The following ZNF280D variants were observed in gnomAD, a reference collection of about 807,000 sequenced individuals.
The protein encoded by ZNF280D is suppressor of hairy wing homolog 4.
ZNF280D carries 39 observed loss-of-function variants against 94.7 expected under a neutral mutation model. The observed-to-expected ratio is 0.41, with a 90% confidence interval of 0.32 to 0.54. The LOEUF (loss-of-function observed/expected upper bound fraction) is 0.54, where lower values mean the gene tolerates loss of function less well. Among genes scored for constraint, ZNF280D ranks in the 20% least tolerant of loss-of-function variants. The pLI is 0.22. For synonymous variants in ZNF280D, 398 were observed against 377.6 expected, an observed-to-expected ratio of 1.05 and a Z score of -0.63; for missense variants, 1,090 against 1,149.3, an observed-to-expected ratio of 0.95 and a Z score of 0.75.
At chr15:56,688,354 G>A (rs1018347185) in intron 9 of ZNF280D, among the ~76,000 whole-genome samples, 8 of 152,092 alleles carry the variant, frequency 5.3e-5, no homozygotes, top group Non-Finnish European at 7.4e-5. Context: ...AGCCGGGCGT[G>A]GTGGCGGGCG....
rs2054279560 is a variant in ZNF280D, at chr15:56,666,271, T to C, written c.1994+124A>G. On this transcript the variant is annotated intron_variant, in intron 16 of 21. Coordinates refer to ENST00000267807, the MANE Select transcript of ZNF280D (RefSeq NM_017661.4). ...CAGGCAATATCCTAAAAGTTCCTTA[T>C]TGTTAGATCCTTTTAGCTCCTTGAA... The C allele has an allele frequency of 3.2e-6, 3 of 924,768 alleles. No homozygotes were observed. In the South Asian group the frequency reaches 5.0e-5, roughly 16 times the overall value. 57.3% of individuals were successfully genotyped at this position (924,768 alleles called of 1,614,324 possible).
intron 1 of ZNF280D, among the ~76,000 whole-genome samples, chr15:56,728,007 AGT>A (rs1290119855): frequency 6.6e-6 from 1 of 151,898 alleles, no homozygotes; most frequent in Non-Finnish European, 1.5e-5. Context: ...ATCCTTTACA[AGT>A]GTGTGCTAAA....
At chr15:56,721,316 A>G (rs1265442198) in intron 1 of ZNF280D, among the ~76,000 whole-genome samples, 8 of 152,100 alleles carry the variant, frequency 5.3e-5, no homozygotes, top group Non-Finnish European at 1.2e-4. Context: ...ACAATGGTAA[A>G]TGAGTACTGG....
In ZNF280D at chr15:56,631,242, C is replaced by A. The variant is rs2052056169; in HGVS notation, c.*256G>T. 5.2e-6 allele frequency: 2 copies of A among 382,878 alleles called. No homozygotes were observed. The highest frequency in any genetic ancestry group is 9.4e-6 in the Non-Finnish European group (2 of 212,258). 23.7% of individuals were successfully genotyped at this position (382,878 alleles called of 1,614,324 possible). On this transcript the variant is annotated 3_prime_UTR_variant, in exon 22 of 22. Transcript: ENST00000267807. ...TTTCCTTGAAAACCATTAAATGAGACCTTTCCACTGCAAATTTAATTATCA... is the reference window on the plus strand; with the variant it reads ...TTTCCTTGAAAACCATTAAATGAGAACTTTCCACTGCAAATTTAATTATCA...
At chr15:56,644,794 G>A (rs1167619571) in intron 19 of ZNF280D, among the ~76,000 whole-genome samples, 2 of 152,076 alleles carry the variant, frequency 1.3e-5, no homozygotes, top group African/African-American at 4.8e-5. Context: ...GATGGAGGTT[G>A]GTGACAGAGG....
intron 17 of ZNF280D, among the ~76,000 whole-genome samples, chr15:56,656,352 T>C (rs1032094865): frequency 1.3e-5 from 2 of 152,198 alleles, no homozygotes; most frequent in African/African-American, 4.8e-5. Flanking sequence ...CAATTTTCAA[T>C]TTGAGACTAG....
At position 56,653,602 on chromosome 15, in the gene ZNF280D, G is replaced by A. The variant is rs769462536; in HGVS notation, c.2213+596C>T. 1.6e-5 allele frequency: 23 copies of A among 1,473,204 alleles called. No individual in the cohort carries two copies. In the South Asian group the frequency reaches 3.1e-4, roughly 20 times the overall value. The allele number at this position is 1,473,204 out of a possible 1,614,324, so 91.3% of individuals were successfully genotyped here. A position where few individuals can be genotyped will look rare whatever the true frequency, so the allele number is the denominator to read the frequency against. On this transcript the variant is annotated intron_variant, in intron 19 of 21. Transcript: ENST00000267807. The stretch of plus-strand genomic sequence containing the variant: ...AAATCTCTGGGCTGCTTCTGCATCT[G>A]AAAAATAAGAAAAATAGCACAATGA...
At chr15:56,707,032 G>A (rs753878142) in intron 3 of ZNF280D, 50 bp downstream of exon 3, 1 of 1,566,258 alleles carries the variant, frequency 6.4e-7, no homozygotes, top group East Asian at 2.2e-5. Context: ...CTGAGGTAAA[G>A]TGATACAAAA....
chr15:56,669,880 T>TATATA (rs2054582755), intron 13 of ZNF280D, among the ~76,000 whole-genome samples: 1 of 7,176 alleles, frequency 1.4e-4, no homozygotes, highest in African/African-American at 2.8e-4. Context: ...ATTTTATATA[T>TATATA]ATATATATTA....
chr15:56,676,914 G>T, intron 12 of ZNF280D, 98 bp from the exon 13 acceptor site: 1 of 934,344 alleles, frequency 1.1e-6, no homozygotes, highest in Non-Finnish European at 1.6e-6. Flanking sequence ...AGAACATTAT[G>T]TACTACTAAT....
chr15:56,718,111 T>A (rs1596654021), intron 1 of ZNF280D, among the ~76,000 whole-genome samples: 1 of 152,162 alleles, frequency 6.6e-6, no homozygotes, highest in East Asian at 1.9e-4. Flanking sequence ...TTTTCATTAT[T>A]TCAGTAAAAA....
intron 21 of ZNF280D, chr15:56,633,898 C>A (rs2052217101): frequency 6.6e-6 from 1 of 151,942 alleles, no homozygotes; most frequent in Admixed American, 6.6e-5. Context: ...CAAAACAAAT[C>A]CCATGTTTAT....
chr15:56,666,730 A>G lies in ZNF280D; in HGVS notation c.1802T>C (p.Leu601Ser). The change falls in exon 15 of 22, where the codon TTG becomes TCG. Residue 601 changes from leucine to serine, a missense_variant. Transcript: ENST00000267807. ...ISNMQKKQST[L>S]ASSNKKSKVN... Reference sequence around the variant, plus strand: ...TTTACTTTTTTTATTGCTACTAGCCAATGTGCTTTGTTTCTTTTGCATATT... The same window carrying G: ...TTTACTTTTTTTATTGCTACTAGCCGATGTGCTTTGTTTCTTTTGCATATT... The G allele has an allele frequency of 1.2e-6, 2 of 1,613,212 alleles. No homozygotes were observed. Among genetic ancestry groups the G allele is most frequent in the Non-Finnish European group, 1.7e-6 (2 of 1,179,736 alleles).
intron 17 of ZNF280D, among the ~76,000 whole-genome samples, chr15:56,657,095 C>G (rs2053598678): frequency 6.6e-6 from 1 of 152,106 alleles, no homozygotes; most frequent in African/African-American, 2.4e-5. Flanking sequence ...CTCTACAGAT[C>G]AGCTTGGTGG....
intron 7 of ZNF280D, among the ~76,000 whole-genome samples, chr15:56,690,304 C>T (rs774231004): frequency 9.9e-5 from 15 of 152,080 alleles, no homozygotes; most frequent in Admixed American, 2.0e-4. Context: ...ATGGCATGAA[C>T]CTGGGAGGCG....
At chr15:56,704,543 T>G (rs2057283897) in intron 3 of ZNF280D, among the ~76,000 whole-genome samples, 1 of 152,180 alleles carries the variant, frequency 6.6e-6, no homozygotes, top group South Asian at 2.1e-4. Context: ...AAAGTGAGTT[T>G]TAGTCGTATA....
intron 1 of ZNF280D, among the ~76,000 whole-genome samples, chr15:56,733,181 A>T (rs1244837593): frequency 6.6e-6 from 1 of 152,172 alleles, no homozygotes; most frequent in African/African-American, 2.4e-5. Flanking sequence ...GTGGCGGAGG[A>T]GCAGAAGGCG....
rs2054712271 is a variant in ZNF280D at position 56,669,980 on chromosome 15, TA to T, written c.1411-1024del. On this transcript the variant is annotated intron_variant, in intron 13 of 21. Transcript: ENST00000267807. ...ATATATATTATATATATATAATATA[TA>T]TATTATATATATATATTATATATAT... Among the ~76,000 whole-genome samples the T allele has an allele frequency of 6.6e-4, 2 of 3,014 alleles. 1 individual carries two copies. Among genetic ancestry groups the T allele is most frequent in the Non-Finnish European group, 1.1e-3 (2 of 1,880 alleles). The allele number at this position is 3,014 out of a possible 152,430, so 2.0% of individuals were successfully genotyped here.
At chr15:56,731,715 G>A (rs911219884) in intron 1 of ZNF280D, among the ~76,000 whole-genome samples, 8 of 152,192 alleles carry the variant, frequency 5.3e-5, no homozygotes, top group Middle Eastern at 3.4e-3. Context: ...TGTCATATCC[G>A]TAATGCACTT....
Sources: allele counts gnomAD v4.1 joint callset (sites outside exome capture counted in the v4.1 genomes callset), GRCh38; gene constraint gnomAD v4.1.1; transcripts MANE v1.5; gene names NCBI Gene and HGNC (gene_info 2026-07-23, HGNC 2026-07-21).